Variants in AFG2A observed in about 807,000 individuals in gnomAD.
AFG2A encodes the protein AAA ATPase AFG2A.
the AFG2A span, among the ~76,000 whole-genome samples, chr4:123,167,028 G>A: frequency 6.6e-6 from 1 of 151,700 alleles, no homozygotes; most frequent in Admixed American, 6.6e-5. Context: ...CCTCAATATG[G>A]GGAGAATAAA....
At chr4:122,991,862 A>G in the AFG2A span, among the ~76,000 whole-genome samples, 5 of 152,336 alleles carry the variant, frequency 3.3e-5, no homozygotes, top group South Asian at 1.0e-3. Flanking sequence ...TTGGGCTAGT[A>G]GAAACTTTCT....
chr4:123,167,152 T>A, the AFG2A span, among the ~76,000 whole-genome samples: 1 of 149,650 alleles, frequency 6.7e-6, no homozygotes, highest in Non-Finnish European at 1.5e-5. Context: ...AACCAACTGG[T>A]TTCAGGGCCT....
the AFG2A span, among the ~76,000 whole-genome samples, chr4:123,152,162 G>A: frequency 6.6e-6 from 1 of 152,118 alleles, no homozygotes; most frequent in Non-Finnish European, 1.5e-5. Flanking sequence ...GATAACATTA[G>A]GAGAAATACC....
the AFG2A span, among the ~76,000 whole-genome samples, chr4:123,156,977 C>T: frequency 3.2e-4 from 49 of 151,472 alleles, no homozygotes; most frequent in Admixed American, 6.6e-4. Context: ...TGGGGTGAGA[C>T]GCAAATTTGG....
At chr4:123,002,776 ATG>A in the AFG2A span, among the ~76,000 whole-genome samples, 2 of 151,954 alleles carry the variant, frequency 1.3e-5, no homozygotes, top group African/African-American at 4.8e-5. Context: ...TCTGACAATT[ATG>A]TGTCTTGGAG....
the AFG2A span, among the ~76,000 whole-genome samples, chr4:123,311,128 G>C: frequency 6.6e-6 from 1 of 152,130 alleles, no homozygotes; most frequent in Non-Finnish European, 1.5e-5. Flanking sequence ...AGTTCTCCAA[G>C]CTAGATGGAA....
the AFG2A span, among the ~76,000 whole-genome samples, chr4:123,212,597 T>C: frequency 6.6e-6 from 1 of 152,162 alleles, no homozygotes; most frequent in South Asian, 2.1e-4. Flanking sequence ...TTTTTTAAAA[T>C]ATGAATTGTG....
chr4:123,235,831 A>G, the AFG2A span, among the ~76,000 whole-genome samples: 1 of 152,178 alleles, frequency 6.6e-6, no homozygotes, highest in Non-Finnish European at 1.5e-5. Context: ...TAGATTTTAA[A>G]CTTTTTGTTA....
chr4:123,279,542 A>G, the AFG2A span, among the ~76,000 whole-genome samples: 1 of 152,220 alleles, frequency 6.6e-6, no homozygotes, highest in Non-Finnish European at 1.5e-5. Flanking sequence ...CATCTCTGCC[A>G]TTTACTAACT....
chr4:123,111,848 T>A, the AFG2A span, among the ~76,000 whole-genome samples: 1 of 152,126 alleles, frequency 6.6e-6, no homozygotes, highest in East Asian at 1.9e-4. Flanking sequence ...GTCATTCTTC[T>A]GCCTCAGCCT....
chr4:122,956,315 C>T, the AFG2A span, among the ~76,000 whole-genome samples: 1 of 152,162 alleles, frequency 6.6e-6, no homozygotes, highest in African/African-American at 2.4e-5. Context: ...TTGATTGAAT[C>T]CTCCTACCAA....
the AFG2A span, among the ~76,000 whole-genome samples, chr4:122,942,558 A>G: frequency 2.0e-5 from 3 of 152,124 alleles, no homozygotes; most frequent in East Asian, 1.9e-4. Context: ...CGGTCTATCA[A>G]TTTTGTTCAT....
chr4:122,925,530 A>G, the AFG2A span, among the ~76,000 whole-genome samples: 1 of 152,110 alleles, frequency 6.6e-6, no homozygotes, highest in African/African-American at 2.4e-5. Flanking sequence ...TCTCCTGAGG[A>G]TGCGCCATAC....
At chr4:123,145,490 A>G in the AFG2A span, among the ~76,000 whole-genome samples, 1 of 152,130 alleles carries the variant, frequency 6.6e-6, no homozygotes, top group African/African-American at 2.4e-5. Flanking sequence ...TCAATCTGCT[A>G]ATATGTTAAG....
chr4:122,972,061 A>G, the AFG2A span, among the ~76,000 whole-genome samples: 1 of 152,120 alleles, frequency 6.6e-6, no homozygotes, highest in Non-Finnish European at 1.5e-5. Context: ...TTTCTCTGGA[A>G]CAATTTTTTA....
the AFG2A span, among the ~76,000 whole-genome samples, chr4:122,962,090 G>A: frequency 6.6e-6 from 1 of 152,114 alleles, no homozygotes; most frequent in Non-Finnish European, 1.5e-5. Context: ...TTTCCCTCAC[G>A]TGCACAATTC....
At chr4:123,083,247 T>C in the AFG2A span, among the ~76,000 whole-genome samples, 16 of 152,278 alleles carry the variant, frequency 1.1e-4, no homozygotes, top group Admixed American at 7.8e-4. Flanking sequence ...CCATTAAGTG[T>C]GATGTTAGCT....
the AFG2A span, among the ~76,000 whole-genome samples, chr4:122,938,410 T>C: frequency 6.6e-6 from 1 of 152,230 alleles, no homozygotes; most frequent in Non-Finnish European, 1.5e-5. Context: ...TAATTTGCTT[T>C]AGTAGATTAC....
chr4:123,065,825 T>G, the AFG2A span, among the ~76,000 whole-genome samples: 1 of 152,122 alleles, frequency 6.6e-6, no homozygotes, highest in Non-Finnish European at 1.5e-5. Flanking sequence ...GAAAAAAAAT[T>G]ATCCTAGATA....
Sources: allele counts gnomAD v4.1 joint callset (sites outside exome capture counted in the v4.1 genomes callset), GRCh38; gene constraint gnomAD v4.1.1; transcripts MANE v1.5; gene names NCBI Gene and HGNC (gene_info 2026-07-23, HGNC 2026-07-21).